AP1AR: variants seen among roughly 807,000 people sequenced by gnomAD.
The protein encoded by AP1AR is adaptor related protein complex 1 associated regulatory protein, also known as AP-1 complex-associated regulatory protein.
In AP1AR, 29 loss-of-function variants were observed where a neutral mutation model predicts 46.3. That is an observed-to-expected ratio of 0.63 (90% CI 0.47 to 0.85). AP1AR has a LOEUF of 0.85. AP1AR is among the 40% of genes least tolerant of loss of function. AP1AR has a pLI of 0.00. For synonymous variants in AP1AR, 122 were observed against 122.9 expected (o/e 0.99, Z 0.05); for missense variants, 357 against 356.3 (o/e 1.00, Z -0.02).
At chr4:112,253,603 T>C (rs1179312490) in intron 2 of AP1AR, among the ~76,000 whole-genome samples, 2 of 151,990 alleles carry the variant, frequency 1.3e-5, no homozygotes, top group African/African-American at 4.8e-5. Context: ...GGAAGTTGAG[T>C]TTAAGCAACT....
intron 1 of AP1AR, among the ~76,000 whole-genome samples, chr4:112,250,539 T>C (rs1287535089): frequency 6.6e-6 from 1 of 152,178 alleles, no homozygotes; most frequent in African/African-American, 2.4e-5. Flanking sequence ...TCATCAATAA[T>C]GTTTGAACAA....
intron 1 of AP1AR, among the ~76,000 whole-genome samples, chr4:112,244,203 A>G (rs1483707320): frequency 6.6e-6 from 1 of 152,220 alleles, no homozygotes; most frequent in African/African-American, 2.4e-5. Flanking sequence ...ACTGTGCTTA[A>G]GATGTCCTCT....
chr4:112,243,326 A>G (rs1391579609), intron 1 of AP1AR, among the ~76,000 whole-genome samples: 2 of 152,278 alleles, frequency 1.3e-5, no homozygotes, highest in African/African-American at 4.8e-5. Flanking sequence ...TGCTGCTTTC[A>G]TATTACATCC....
At position 112,268,445 on chromosome 4, in the gene AP1AR, C is replaced by A; in HGVS notation, c.*36C>A. 6.5e-7 allele frequency: 1 copy of A among 1,528,878 alleles called. No homozygotes were observed. Among genetic ancestry groups the A allele is most frequent in the South Asian group, 1.3e-5 (1 of 76,354 alleles). The allele number at this position is 1,528,878 out of a possible 1,614,324, so 94.7% of individuals were successfully genotyped here. A position where few individuals can be genotyped will look rare whatever the true frequency, so the allele number is the denominator to read the frequency against. ...TGTGACCTTGTTTATCAGTTATGAC[C>A]AAATGTTAAAAACCAACTAGAATGT... On this transcript the variant is annotated 3_prime_UTR_variant, in exon 10 of 10. Coordinates refer to ENST00000274000, the MANE Select transcript of AP1AR (RefSeq NM_018569.6).
chr4:112,239,012 C>T (rs1345664400), intron 1 of AP1AR, among the ~76,000 whole-genome samples: 1 of 152,146 alleles, frequency 6.6e-6, no homozygotes, highest in Admixed American at 6.5e-5. Flanking sequence ...GTTACTCACC[C>T]TTTAAACCCA....
intron 3 of AP1AR, among the ~76,000 whole-genome samples, chr4:112,255,149 C>T (rs1254962508): frequency 2.0e-5 from 3 of 151,878 alleles, no homozygotes; most frequent in African/African-American, 2.4e-5. Context: ...TTAGTAGAGA[C>T]GGGGTTTCAC....
At position 112,268,417 on chromosome 4, in the gene AP1AR, T is replaced by C; in HGVS notation, c.*8T>C. On this transcript the variant is annotated 3_prime_UTR_variant, in exon 10 of 10. Coordinates refer to ENST00000274000, the MANE Select transcript of AP1AR (RefSeq NM_018569.6). ...GATCAACAGACTCGATAGGGTAAAATTGTGTGACCTTGTTTATCAGTTATG... is the reference window on the plus strand; with the variant it reads ...GATCAACAGACTCGATAGGGTAAAACTGTGTGACCTTGTTTATCAGTTATG... 6.4e-7 allele frequency: 1 copy of C among 1,566,796 alleles called. No individual in the cohort carries two copies. Among genetic ancestry groups the C allele is most frequent in the Non-Finnish European group, 8.6e-7 (1 of 1,156,070 alleles).
Position 112,231,994 on chromosome 4 carries a change from C to T in AP1AR, c.-98C>T, listed in dbSNP as rs974760033. 2.0e-5 allele frequency: 23 copies of T among 1,166,412 alleles called. No individual in the cohort carries two copies. In the Admixed American group the frequency reaches 2.1e-4, roughly 11 times the overall value. 72.3% of individuals were successfully genotyped at this position (1,166,412 alleles called of 1,614,324 possible). The stretch of plus-strand genomic sequence containing the variant: ...GCCGGCCCGCCCTCGGTCCTTGAAC[C>T]CCATTTCGGCTCGTGCCGTGCGGAT... On this transcript the variant is annotated 5_prime_UTR_variant, in exon 1 of 10. Coordinates refer to ENST00000274000, the MANE Select transcript of AP1AR (RefSeq NM_018569.6).
At chr4:112,264,833 C>T (rs1011109262) in intron 6 of AP1AR, among the ~76,000 whole-genome samples, 176 bp from the exon 7 acceptor site, 1 of 151,886 alleles carries the variant, frequency 6.6e-6, no homozygotes, top group Non-Finnish European at 1.5e-5. Flanking sequence ...AAAAATTCTT[C>T]CCATAAATAA....
At chr4:112,241,438 G>T (rs1448705814) in intron 1 of AP1AR, among the ~76,000 whole-genome samples, 1 of 152,216 alleles carries the variant, frequency 6.6e-6, no homozygotes, top group African/African-American at 2.4e-5. Flanking sequence ...GGTCGTGTAA[G>T]TCTCAGTTCA....
rs980041135 is a variant in AP1AR at position 112,260,712 on chromosome 4, G to A, written c.186-54G>A. The stretch of plus-strand genomic sequence containing the variant: ...TTTTTGAGTGTTTTATTTGGACTTA[G>A]ACTCATCAGAAGTTTTTGTTTTTTC... On this transcript the variant is annotated intron_variant, in intron 4 of 9. Coordinates refer to ENST00000274000, the MANE Select transcript of AP1AR (RefSeq NM_018569.6). The A allele has an allele frequency of 9.4e-6, 11 of 1,175,504 alleles. No individual in the cohort carries two copies. The South Asian group carries it at 1.7e-4, about 18-fold the overall frequency. The allele number at this position is 1,175,504 out of a possible 1,614,324, so 72.8% of individuals were successfully genotyped here.
At chr4:112,252,290 C>T (rs538824159) in intron 1 of AP1AR, among the ~76,000 whole-genome samples, 1 of 152,196 alleles carries the variant, frequency 6.6e-6, no homozygotes, top group Non-Finnish European at 1.5e-5. Context: ...CCCCAGGATT[C>T]TCCTTGTTTC....
intron 3 of AP1AR, among the ~76,000 whole-genome samples, chr4:112,255,381 A>C (rs1460888257): frequency 3.3e-5 from 5 of 152,216 alleles, no homozygotes; most frequent in Non-Finnish European, 5.9e-5. Flanking sequence ...CTTGCCATTA[A>C]GTAGGTAAAA....
chr4:112,251,086 T>G (rs1725940437), intron 1 of AP1AR, among the ~76,000 whole-genome samples: 1 of 152,192 alleles, frequency 6.6e-6, no homozygotes, highest in Non-Finnish European at 1.5e-5. Context: ...TCAGTTTATT[T>G]CATTCCTCTC....
chr4:112,264,678 GCTC>G (rs1488969932), intron 6 of AP1AR, among the ~76,000 whole-genome samples: 6 of 151,972 alleles, frequency 3.9e-5, no homozygotes, highest in African/African-American at 1.2e-4. Flanking sequence ...TTCCTTTCCT[GCTC>G]CTCATTTTTC....
intron 1 of AP1AR, among the ~76,000 whole-genome samples, chr4:112,246,122 A>G (rs1327456969): frequency 2.0e-5 from 3 of 152,162 alleles, no homozygotes; most frequent in Non-Finnish European, 4.4e-5. Flanking sequence ...CAGCACCTAT[A>G]TAATAATGAA....
intron 1 of AP1AR, among the ~76,000 whole-genome samples, chr4:112,241,300 A>G (rs1208742379): frequency 2.0e-5 from 3 of 152,194 alleles, no homozygotes; most frequent in Admixed American, 1.3e-4. Flanking sequence ...CTGTATTTCT[A>G]TGTTTACATG....
intron 1 of AP1AR, among the ~76,000 whole-genome samples, chr4:112,246,309 C>T (rs1281812707): frequency 2.0e-5 from 3 of 152,092 alleles, no homozygotes; most frequent in Admixed American, 2.0e-4. Flanking sequence ...AGTTCGAGAC[C>T]AGCCTGGCCA....
chr4:112,260,410 A>G (rs1726390901), intron 4 of AP1AR, among the ~76,000 whole-genome samples: 2 of 152,182 alleles, frequency 1.3e-5, no homozygotes, highest in Admixed American at 1.3e-4. Context: ...TAGTGTACTG[A>G]TGTTTATATT....
Sources: gnomAD v4.1 joint callset for allele counts (sites outside exome capture counted in the v4.1 genomes callset) on GRCh38, gnomAD v4.1.1 for gene constraint, MANE v1.5 for transcripts, NCBI Gene and HGNC (gene_info 2026-07-23, HGNC 2026-07-21) for gene names.